PCDHGA2: variants seen among roughly 807,000 people sequenced by gnomAD.
The protein encoded by PCDHGA2 is protocadherin gamma subfamily A, 2, also known as protocadherin gamma-A2.
In PCDHGA2, 40 loss-of-function variants were observed where a neutral mutation model predicts 59.2. The ratio of observed to expected loss-of-function variants is 0.68; its 90% CI spans 0.52 to 0.88. The LOEUF (loss-of-function observed/expected upper bound fraction) is 0.88, where lower values mean the gene tolerates loss of function less well. PCDHGA2 is among the 40% of genes least tolerant of loss of function. PCDHGA2 has a pLI of 0.00. For missense variants in PCDHGA2, 1,226 were observed against 1,204.0 expected, an observed-to-expected ratio of 1.02 and a Z score of -0.27; for synonymous variants, 560 against 526.0, an observed-to-expected ratio of 1.06 and a Z score of -0.89.
At chr5:141,387,568 T>G in intron 1 of PCDHGA2, 1 of 447,496 alleles carries the variant, frequency 2.2e-6, no homozygotes, top group Admixed American at 3.9e-5. Context: ...CACACAATTA[T>G]AATTATTGCA....
chr5:141,371,170 C>T lies in PCDHGA2; in HGVS notation c.2424+29775C>T, dbSNP rs1228264781. 7 of 1,613,892 alleles carry T rather than the reference C, an allele frequency of 4.3e-6. No homozygotes were observed. The Admixed American group carries it at 1.0e-4, about 23-fold the overall frequency. On this transcript the variant is annotated intron_variant, in intron 1 of 3. Coordinates refer to ENST00000394576, the MANE Select transcript of PCDHGA2 (RefSeq NM_018915.4). Reference sequence around the variant, plus strand: ...GTTGCAGAGAACCTGCCCGCTGGCTCCTCCGTATTAAAAGTGATGGCCATT... The same window carrying T: ...GTTGCAGAGAACCTGCCCGCTGGCTTCTCCGTATTAAAAGTGATGGCCATT...
intron 1 of PCDHGA2, among the ~76,000 whole-genome samples, chr5:141,379,925 A>T (rs1776079128): frequency 2.1e-5 from 1 of 48,106 alleles, no homozygotes; most frequent in East Asian, 5.2e-4. Context: ...TTTTTGTCAG[A>T]GTCTTGCTCT....
chr5:141,342,373 G>A (rs893050939), intron 1 of PCDHGA2: 1 of 152,008 alleles, frequency 6.6e-6, no homozygotes, highest in Admixed American at 6.5e-5. Context: ...TTGGCTTTTA[G>A]TATGTTGGTT....
At chr5:141,346,585 T>C (rs988911686) in intron 1 of PCDHGA2, 1 of 1,373,936 alleles carries the variant, frequency 7.3e-7, no homozygotes, top group South Asian at 1.5e-5. Flanking sequence ...TAAATATTTG[T>C]CCCCCTTTCT....
At chr5:141,413,148 C>G (rs370253778) in intron 1 of PCDHGA2, 10 of 1,570,530 alleles carry the variant, frequency 6.4e-6, no homozygotes, top group Middle Eastern at 1.7e-4. Flanking sequence ...CCAGTGAGGA[C>G]TTTGCAGAAT....
intron 1 of PCDHGA2, chr5:141,411,436 T>C (rs2095489663): frequency 6.7e-6 from 1 of 149,586 alleles, no homozygotes; most frequent in South Asian, 2.1e-4. Flanking sequence ...AAAAAAACAT[T>C]AGCAGAGTGT....
intron 2 of PCDHGA2, among the ~76,000 whole-genome samples, chr5:141,498,573 A>G (rs7725519): frequency 0.52 from 78,890 of 151,684 alleles, 21,175 homozygotes; most frequent in African/African-American, 0.65. Flanking sequence ...CAGGGCTAGT[A>G]TTGAGTTCTT....
chr5:141,443,947 T>C (rs2098410978), intron 1 of PCDHGA2, among the ~76,000 whole-genome samples: 1 of 152,082 alleles, frequency 6.6e-6, no homozygotes, highest in Non-Finnish European at 1.5e-5. Flanking sequence ...GGTTTCCTTA[T>C]TGGTATGTAT....
At chr5:141,374,467 C>T (rs1430397717) in intron 1 of PCDHGA2, 2 of 1,612,694 alleles carry the variant, frequency 1.2e-6, no homozygotes, top group Non-Finnish European at 1.7e-6. Flanking sequence ...ACATTAATGA[C>T]AATACACCCC....
In PCDHGA2 at chr5:141,487,930, G is replaced by T; in HGVS notation, c.2425-6877G>T. On this transcript the variant is annotated intron_variant, in intron 1 of 3. Coordinates refer to ENST00000394576, the MANE Select transcript of PCDHGA2 (RefSeq NM_018915.4). This position sits in a 1 kb window ranked among gnomAD's most constrained non-coding sequence, Gnocchi z 5.0. Reference sequence around the variant, plus strand: ...GAGCACAGGAGGCTACAGTGCACAGGGTACAGTGCACCAGGCAGTCACTTG... The same window carrying T: ...GAGCACAGGAGGCTACAGTGCACAGTGTACAGTGCACCAGGCAGTCACTTG... 2 of 613,220 alleles carry T rather than the reference G, an allele frequency of 3.3e-6. No homozygotes were observed. Among genetic ancestry groups the T allele is most frequent in the African/African-American group, 1.8e-5 (1 of 54,186 alleles). 38.0% of individuals were successfully genotyped at this position (613,220 alleles called of 1,614,324 possible).
In PCDHGA2 at chr5:141,428,425, T is replaced by A. The variant is rs1193842204; in HGVS notation, c.2425-66382T>A. ...GGGTTGCTTTCACCCTGGTCTCTGT[T>A]CTAAGACTAGACCAGGGGTTTTTCC... On this transcript the variant is annotated intron_variant, in intron 1 of 3. Transcript: ENST00000394576. 4 of 436,598 alleles carry A rather than the reference T, an allele frequency of 9.2e-6. No homozygotes were observed. In the East Asian group the frequency reaches 1.9e-4, roughly 21 times the overall value. 27.0% of individuals were successfully genotyped at this position (436,598 alleles called of 1,614,324 possible). A position where few individuals can be genotyped will look rare whatever the true frequency, so the allele number is the denominator to read the frequency against.
Position 141,383,923 on chromosome 5 carries a change from G to T in PCDHGA2, c.2424+42528G>T, listed in dbSNP as rs201582947. On this transcript the variant is annotated intron_variant, in intron 1 of 3. Coordinates refer to ENST00000394576, the MANE Select transcript of PCDHGA2 (RefSeq NM_018915.4). ...ACTGATCACAGTTTTAGATGTAAAT[G>T]ATAATGCTCCAGAAGTGACTATGAC... 169 of 1,613,826 alleles carry T rather than the reference G, an allele frequency of 1.0e-4. No homozygotes were observed. Among genetic ancestry groups the T allele is most frequent in the Non-Finnish European group, 1.3e-4 (156 of 1,179,886 alleles).
intron 2 of PCDHGA2, 147 bp from the exon 3 acceptor site, chr5:141,505,246 G>A (rs2099844792): frequency 2.1e-6 from 3 of 1,436,556 alleles, no homozygotes; most frequent in African/African-American, 1.4e-5. Flanking sequence ...AAGGATTGTA[G>A]AAGTGCCTCC....
rs1454395834 is a variant in PCDHGA2, at chr5:141,413,223, G to A, written c.2424+71828G>A. The stretch of plus-strand genomic sequence containing the variant: ...CAAAGGAATCAAAGGATTGCAGCGG[G>A]CTGGTCCTGCTCTGCCTTTTCTTCG... On this transcript the variant is annotated intron_variant, in intron 1 of 3. Transcript: ENST00000394576. 4 of 1,613,694 alleles carry A rather than the reference G, an allele frequency of 2.5e-6. No individual in the cohort carries two copies. In the African/African-American group the frequency reaches 4.0e-5, roughly 16 times the overall value.
rs756464724 is a variant in PCDHGA2, at chr5:141,478,476, A to T, written c.2425-16331A>T. The T allele has an allele frequency of 5.0e-6, 8 of 1,613,838 alleles. 1 individual carries two copies. The South Asian group carries it at 7.7e-5, about 16-fold the overall frequency. The stretch of plus-strand genomic sequence containing the variant: ...GCCAGTCCACTGGCCAGCCGCCAGA[A>T]CACGCTGCGGAGCTGTGATCCGGTG... On this transcript the variant is annotated intron_variant, in intron 1 of 3. Transcript: ENST00000394576.
At chr5:141,385,163 A>G in intron 1 of PCDHGA2, 1 of 1,614,182 alleles carries the variant, frequency 6.2e-7, no homozygotes, top group Admixed American at 1.7e-5. Flanking sequence ...ACCTATTCCC[A>G]TGAGGTCTCC....
intron 1 of PCDHGA2, chr5:141,423,314 T>C: frequency 6.2e-7 from 1 of 1,614,178 alleles, no homozygotes; most frequent in Non-Finnish European, 8.5e-7. Context: ...TACTTGGTGG[T>C]GGCGGTGGCC....
chr5:141,366,425 G>A, intron 1 of PCDHGA2: 1 of 1,614,148 alleles, frequency 6.2e-7, no homozygotes, highest in South Asian at 1.1e-5. Context: ...GGCAGTGGCT[G>A]CAGTCTCCTG....
chr5:141,494,914 A>G (rs906245656), intron 2 of PCDHGA2, 49 bp downstream of exon 2: 5 of 1,613,708 alleles, frequency 3.1e-6, no homozygotes, highest in Admixed American at 1.7e-5. Context: ...GCATTTTCTC[A>G]GGGATGACGT....
Sources: allele counts gnomAD v4.1 joint callset (sites outside exome capture counted in the v4.1 genomes callset), GRCh38; gene constraint gnomAD v4.1.1; non-coding constraint Gnocchi (gnomAD v3.1); transcripts MANE v1.5; gene names NCBI Gene and HGNC (gene_info 2026-07-23, HGNC 2026-07-21).